The following ZNF385D variants were observed in gnomAD, a reference collection of about 807,000 sequenced individuals.
The protein encoded by ZNF385D is zinc finger protein 385D.
Under a neutral mutation model 35.8 loss-of-function variants are expected in ZNF385D, and 15 were observed. The ratio of observed to expected loss-of-function variants is 0.42; its 90% CI spans 0.28 to 0.64. ZNF385D has a LOEUF of 0.64. Ranked by LOEUF, ZNF385D falls within the 30% of genes least tolerant of loss-of-function variation. The pLI, the probability that ZNF385D is intolerant of heterozygous loss-of-function variation, is 0.23. For missense variants in ZNF385D, 474 were observed against 494.6 expected, an observed-to-expected ratio of 0.96 and a Z score of 0.39; for synonymous variants, 212 against 186.8, an observed-to-expected ratio of 1.13 and a Z score of -1.10.
chr3:22,346,371 A>T (rs1316356453), intron 2 of ZNF385D, among the ~76,000 whole-genome samples: 1 of 152,234 alleles, frequency 6.6e-6, no homozygotes, highest in East Asian at 1.9e-4. Flanking sequence ...GTACTGGGAT[A>T]TCTTCCTTCA....
intron 3 of ZNF385D, among the ~76,000 whole-genome samples, chr3:21,768,491 G>A (rs947956969): frequency 5.3e-5 from 8 of 151,858 alleles, no homozygotes; most frequent in African/African-American, 1.9e-4. Context: ...CAAACTTCCA[G>A]GAGAATGCTT....
intron 1 of ZNF385D, among the ~76,000 whole-genome samples, chr3:21,714,169 G>A (rs2068223993): frequency 6.6e-6 from 1 of 151,424 alleles, no homozygotes; most frequent in Non-Finnish European, 1.5e-5. Flanking sequence ...CATAATAACT[G>A]CTCTCAATTA....
chr3:21,482,612 G>A (rs1294844704), intron 4 of ZNF385D, among the ~76,000 whole-genome samples: 1 of 152,100 alleles, frequency 6.6e-6, no homozygotes, highest in Non-Finnish European at 1.5e-5. Context: ...AATTAGTGAT[G>A]TCCTAACCTT....
intron 2 of ZNF385D, among the ~76,000 whole-genome samples, chr3:22,198,832 C>A (rs1696593736): frequency 6.6e-6 from 1 of 151,980 alleles, no homozygotes; most frequent in South Asian, 2.1e-4. Context: ...TAGATTTCAC[C>A]ACTTCTTTTA....
At chr3:22,026,769 G>T (rs1576178246) in intron 3 of ZNF385D, among the ~76,000 whole-genome samples, 1 of 152,170 alleles carries the variant, frequency 6.6e-6, no homozygotes, top group Admixed American at 6.5e-5. Flanking sequence ...AAACAATATT[G>T]CATCCCTGGA....
At chr3:22,077,872 C>T (rs1028909887) in intron 3 of ZNF385D, among the ~76,000 whole-genome samples, 36 of 151,720 alleles carry the variant, frequency 2.4e-4, no homozygotes, top group Non-Finnish European at 3.4e-4. Flanking sequence ...TGTGAGACAC[C>T]CCCCACTCCA....
intron 3 of ZNF385D, among the ~76,000 whole-genome samples, chr3:21,969,894 A>T (rs984713722): frequency 9.2e-5 from 14 of 152,256 alleles, no homozygotes; most frequent in Middle Eastern, 6.8e-3. Flanking sequence ...ATAGTAAGGG[A>T]GCAGAACAAG....
chr3:21,632,047 T>C (rs1423628991), intron 2 of ZNF385D, among the ~76,000 whole-genome samples: 5 of 152,170 alleles, frequency 3.3e-5, no homozygotes, highest in Non-Finnish European at 5.9e-5. Flanking sequence ...CCAATATTTA[T>C]TAAATTCCAA....
intron 3 of ZNF385D, among the ~76,000 whole-genome samples, chr3:22,127,812 T>C (rs928182354): frequency 1.3e-5 from 2 of 152,208 alleles, no homozygotes; most frequent in Non-Finnish European, 2.9e-5. Context: ...TCCCACTCTT[T>C]AACTTTTTGT....
intron 1 of ZNF385D, among the ~76,000 whole-genome samples, chr3:21,688,139 GCTTT>G (rs1209520316): frequency 6.6e-6 from 1 of 151,784 alleles, no homozygotes; most frequent in Non-Finnish European, 1.5e-5. Context: ...TGCCTCTACT[GCTTT>G]CTTTTTTTAA....
intron 4 of ZNF385D, among the ~76,000 whole-genome samples, chr3:21,459,953 G>C (rs944665227): frequency 6.6e-6 from 1 of 152,104 alleles, no homozygotes; most frequent in Non-Finnish European, 1.5e-5. Flanking sequence ...CTCCCATGTT[G>C]TCGCTTTATG....
At chr3:21,786,115 G>A (rs2071679239) in intron 3 of ZNF385D, among the ~76,000 whole-genome samples, 1 of 151,894 alleles carries the variant, frequency 6.6e-6, no homozygotes, top group Non-Finnish European at 1.5e-5. Context: ...GTTCTCAGAG[G>A]TTCATAAACT....
At chr3:21,929,438 T>A (rs961047696) in intron 3 of ZNF385D, among the ~76,000 whole-genome samples, 5 of 152,072 alleles carry the variant, frequency 3.3e-5, no homozygotes, top group Non-Finnish European at 7.4e-5. Context: ...CAATTTTTAT[T>A]TATTATTTAC....
chr3:21,825,243 C>G (rs1038192692), intron 3 of ZNF385D, among the ~76,000 whole-genome samples: 4 of 152,142 alleles, frequency 2.6e-5, no homozygotes, highest in Non-Finnish European at 5.9e-5. Context: ...GACTTGAGAT[C>G]CAGGTGAAAC....
chr3:22,191,707 T>A (rs1226998997), intron 2 of ZNF385D, among the ~76,000 whole-genome samples: 1 of 152,044 alleles, frequency 6.6e-6, no homozygotes, highest in Non-Finnish European at 1.5e-5. Flanking sequence ...TACTTGTACT[T>A]GTAAAACAGT....
chr3:21,894,836 G>T lies in ZNF385D; in HGVS notation c.326-229808C>A, dbSNP rs577623341. 1.4e-4 allele frequency among the ~76,000 whole-genome samples: 22 copies of T among 152,146 alleles called. No homozygotes were observed. In the South Asian group the frequency reaches 4.6e-3, roughly 32 times the overall value. Reference sequence around the variant, plus strand: ...TTACAACCCTTTCAGAAGAAACGTAGAGCTTGACACAATGCCAGACACCAT... The same window carrying T: ...TTACAACCCTTTCAGAAGAAACGTATAGCTTGACACAATGCCAGACACCAT... On this transcript the variant is annotated intron_variant, in intron 3 of 5. Transcript: ENST00000494108.
At chr3:21,675,417 T>G (rs532676318) in intron 1 of ZNF385D, among the ~76,000 whole-genome samples, 6 of 152,160 alleles carry the variant, frequency 3.9e-5, no homozygotes, top group African/African-American at 1.2e-4. Flanking sequence ...CCTTTGATCT[T>G]TTAATAGTCT....
intron 2 of ZNF385D, among the ~76,000 whole-genome samples, chr3:22,234,766 T>C (rs868611545): frequency 6.6e-6 from 1 of 152,044 alleles, no homozygotes; most frequent in Admixed American, 6.6e-5. Context: ...TCTCTGCGAA[T>C]GGAAATACTA....
At chr3:21,641,429 T>TTTA (rs902773128) in intron 2 of ZNF385D, among the ~76,000 whole-genome samples, 1 of 151,632 alleles carries the variant, frequency 6.6e-6, no homozygotes, top group East Asian at 1.9e-4. Context: ...AAAATTATTA[T>TTTA]TTATTATTAT....
Sources: allele counts gnomAD v4.1 joint callset (sites outside exome capture counted in the v4.1 genomes callset), GRCh38; gene constraint gnomAD v4.1.1; transcripts MANE v1.5; gene names NCBI Gene and HGNC (gene_info 2026-07-23, HGNC 2026-07-21).